The following MBNL1 variants were observed in gnomAD, a reference collection of about 807,000 sequenced individuals.
MBNL1 encodes the protein muscleblind-like protein 1.
In MBNL1, 8 loss-of-function variants were observed where a neutral mutation model predicts 42.2. That is an observed-to-expected ratio of 0.19 (90% CI 0.11 to 0.34). The LOEUF (loss-of-function observed/expected upper bound fraction) is 0.34. Among genes scored for constraint, MBNL1 ranks in the 10% least tolerant of loss-of-function variants. The pLI, the probability that MBNL1 is intolerant of heterozygous loss-of-function variation, is 1.00. For missense variants in MBNL1, 309 were observed against 495.3 expected (o/e 0.62, Z 3.57); for synonymous variants, 169 against 173.9 (o/e 0.97, Z 0.22).
chr3:152,311,595 T>C (rs1560092455), intron 2 of MBNL1, among the ~76,000 whole-genome samples: 1 of 152,190 alleles, frequency 6.6e-6, no homozygotes, highest in Admixed American at 6.5e-5. Context: ...ATTTTTTGTT[T>C]ATTTGTAATA....
rs1352067568 is a variant in MBNL1, at chr3:152,463,297, T to C, written c.*931T>C. 6.6e-6 allele frequency: 1 copy of C among 152,100 alleles called. No homozygotes were observed. Among genetic ancestry groups the C allele is most frequent in the African/African-American group, 2.4e-5 (1 of 41,392 alleles). The allele number at this position is 152,100 out of a possible 1,614,324, so 9.4% of individuals were successfully genotyped here. A position where few individuals can be genotyped will look rare whatever the true frequency, so the allele number is the denominator to read the frequency against. ...TATATATAAAATTATTTTAATGCAT[T>C]GTAGTGTAATATTTATGCATACTAT... On this transcript the variant is annotated 3_prime_UTR_variant, in exon 10 of 10. Coordinates refer to ENST00000324210, the MANE Select transcript of MBNL1 (RefSeq NM_021038.5).
chr3:152,417,240 A>G (rs2098717293), intron 3 of MBNL1, among the ~76,000 whole-genome samples: 1 of 152,212 alleles, frequency 6.6e-6, no homozygotes, highest in African/African-American at 2.4e-5. Context: ...AGATTCAGAA[A>G]TGAATGGAAT....
intron 2 of MBNL1, among the ~76,000 whole-genome samples, chr3:152,405,961 A>C (rs948561278): frequency 3.9e-5 from 6 of 152,176 alleles, no homozygotes; most frequent in African/African-American, 1.4e-4. Flanking sequence ...AAAAATAATG[A>C]AGCAATTTAA....
At chr3:152,446,178 T>C (rs1308752275) in intron 5 of MBNL1, among the ~76,000 whole-genome samples, 3 of 152,086 alleles carry the variant, frequency 2.0e-5, no homozygotes, top group Non-Finnish European at 4.4e-5. Context: ...TAAACTATAT[T>C]CTCAAGGTAA....
intron 6 of MBNL1, 97 bp downstream of exon 6, chr3:152,447,870 T>C: frequency 1.8e-6 from 2 of 1,123,144 alleles, no homozygotes; most frequent in Non-Finnish European, 1.3e-6. Flanking sequence ...TTTGTAATTA[T>C]AGATGAGGTG....
intron 4 of MBNL1, among the ~76,000 whole-genome samples, chr3:152,435,971 G>T (rs2099073943): frequency 2.6e-5 from 4 of 152,044 alleles, no homozygotes; most frequent in African/African-American, 9.7e-5. Context: ...TCTAAATAAA[G>T]AAACAAGTTG....
At chr3:152,428,961 A>T (rs1245626874) in intron 3 of MBNL1, among the ~76,000 whole-genome samples, 1 of 152,186 alleles carries the variant, frequency 6.6e-6, no homozygotes, top group African/African-American at 2.4e-5. Flanking sequence ...CAATTCACTC[A>T]TTCATTCATT....
At chr3:152,354,887 G>T (rs1411219879) in intron 2 of MBNL1, among the ~76,000 whole-genome samples, 1 of 151,946 alleles carries the variant, frequency 6.6e-6, no homozygotes, top group Admixed American at 6.6e-5. Context: ...TTTCACTCTG[G>T]TTTCTCTTCA....
At chr3:152,301,044 T>A in intron 2 of MBNL1, 1 of 293,174 alleles carries the variant, frequency 3.4e-6, no homozygotes, top group Non-Finnish European at 5.1e-6. Flanking sequence ...TCAAAAATTC[T>A]AATGTGAATT....
chr3:152,445,536 C>A lies in MBNL1; in HGVS notation c.804C>A (p.Ala268=). 1 of 1,612,098 alleles carries A rather than the reference C, an allele frequency of 6.2e-7. No homozygotes were observed. Among genetic ancestry groups the A allele is most frequent in the Admixed American group, 1.7e-5 (1 of 59,604 alleles). The stretch of plus-strand genomic sequence containing the variant: ...CACAGGCTGCAGCCACCGCAGCTGC[C>A]ATGGTGAGTAGAGATATCAGCTCTC... ...AAAQAAATAA[A]MGIPQAVLPP... Residue 268 remains alanine (A), a synonymous_variant, in exon 5 of 10, where the codon GCC becomes GCA. Coordinates refer to ENST00000324210, the MANE Select transcript of MBNL1 (RefSeq NM_021038.5).
At chr3:152,289,998 T>C (rs2054936675) in intron 1 of MBNL1, among the ~76,000 whole-genome samples, 1 of 152,134 alleles carries the variant, frequency 6.6e-6, no homozygotes, top group Non-Finnish European at 1.5e-5. Flanking sequence ...TTTTGGTCTT[T>C]TTATTTAATT....
intron 2 of MBNL1, among the ~76,000 whole-genome samples, chr3:152,344,775 C>CTA (rs1222216516): frequency 2.0e-5 from 3 of 152,114 alleles, no homozygotes; most frequent in African/African-American, 7.2e-5. Context: ...ATTTTGTAGA[C>CTA]TATAGAGTCC....
chr3:152,408,079 A>G (rs1482913774), intron 2 of MBNL1, among the ~76,000 whole-genome samples: 3 of 152,152 alleles, frequency 2.0e-5, no homozygotes, highest in Non-Finnish European at 4.4e-5. Context: ...GCGGCAAACC[A>G]TTCACTGTGG....
At chr3:152,442,135 C>G (rs546424471) in intron 4 of MBNL1, among the ~76,000 whole-genome samples, 4 of 152,214 alleles carry the variant, frequency 2.6e-5, no homozygotes, top group South Asian at 4.1e-4. Context: ...ACACATATAC[C>G]AATAAATCTG....
chr3:152,362,399 T>C (rs183251648), intron 2 of MBNL1, among the ~76,000 whole-genome samples: 70 of 152,304 alleles, frequency 4.6e-4, no homozygotes, highest in Admixed American at 4.0e-3. Flanking sequence ...GTTACCTAGT[T>C]GTATTAGTTT....
intron 2 of MBNL1, among the ~76,000 whole-genome samples, chr3:152,351,637 G>T (rs2095006852): frequency 6.6e-6 from 1 of 152,100 alleles, no homozygotes; most frequent in Admixed American, 6.6e-5. Flanking sequence ...GGGGTTTTAA[G>T]GTAGTGGGCT....
At position 152,319,592 on chromosome 3, in the gene MBNL1, G is replaced by A. The variant is rs190156178; in HGVS notation, c.174+19225G>A. On this transcript the variant is annotated intron_variant, in intron 2 of 9. Coordinates refer to ENST00000324210, the MANE Select transcript of MBNL1 (RefSeq NM_021038.5). ...TTGACTGTTCTGAGGCCTTGGTTACGGTGGCATTAAAGTTCTATACTGTTT... is the reference window on the plus strand; with the variant it reads ...TTGACTGTTCTGAGGCCTTGGTTACAGTGGCATTAAAGTTCTATACTGTTT... 3.8e-4 allele frequency among the ~76,000 whole-genome samples: 55 copies of A among 146,660 alleles called. 1 individual carries two copies. The highest frequency in any genetic ancestry group is 2.7e-4 in the Non-Finnish European group (18 of 67,144).
At chr3:152,255,595 C>T (rs1038749848) in intron 2 of MBNL1, among the ~76,000 whole-genome samples, 5 of 151,976 alleles carry the variant, frequency 3.3e-5, no homozygotes, top group African/African-American at 4.8e-5. Context: ...GAAATAGTTA[C>T]GGACAAGATC....
intron 2 of MBNL1, among the ~76,000 whole-genome samples, chr3:152,325,244 A>G (rs942588873): frequency 6.6e-6 from 1 of 151,660 alleles, no homozygotes; most frequent in African/African-American, 2.4e-5. Context: ...CTCACTCTAG[A>G]CCTGGCCACA....
Sources: gnomAD v4.1 joint callset for allele counts (sites outside exome capture counted in the v4.1 genomes callset) on GRCh38, gnomAD v4.1.1 for gene constraint, MANE v1.5 for transcripts, NCBI Gene and HGNC (gene_info 2026-07-23, HGNC 2026-07-21) for gene names.